Variants in CLINT1 observed in about 807,000 individuals in gnomAD.
CLINT1 encodes clathrin interactor 1.
CLINT1 carries 15 observed loss-of-function variants against 70.4 expected under a neutral mutation model. The ratio of observed to expected loss-of-function variants is 0.21; its 90% CI spans 0.14 to 0.33. The LOEUF (loss-of-function observed/expected upper bound fraction) is 0.33. Ranked by LOEUF, CLINT1 falls within the 10% of genes least tolerant of loss-of-function variation. The pLI, the probability that CLINT1 is intolerant of heterozygous loss-of-function variation, is 1.00. For missense variants in CLINT1, 615 were observed against 778.1 expected, an observed-to-expected ratio of 0.79 and a Z score of 2.49; for synonymous variants, 227 against 254.7, an observed-to-expected ratio of 0.89 and a Z score of 1.04.
At chr5:157,801,227 C>T (rs1762207778) in intron 8 of CLINT1, among the ~76,000 whole-genome samples, 1 of 152,162 alleles carries the variant, frequency 6.6e-6, no homozygotes, top group South Asian at 2.1e-4. Context: ...AGTAGGCTGG[C>T]CAGGCATGGT....
intron 9 of CLINT1, among the ~76,000 whole-genome samples, chr5:157,793,337 A>G (rs1356396814): frequency 2.0e-5 from 3 of 152,174 alleles, no homozygotes; most frequent in Admixed American, 6.5e-5. Context: ...TGCTTGATCT[A>G]TAATGCAGAA....
chr5:157,840,609 AAG>A (rs1347708897), intron 1 of CLINT1, among the ~76,000 whole-genome samples: 1 of 151,288 alleles, frequency 6.6e-6, no homozygotes, highest in Non-Finnish European at 1.5e-5. Flanking sequence ...TAAACAGAAA[AAG>A]ATGGGGGTGG....
chr5:157,813,224 T>A lies in CLINT1; in HGVS notation c.356A>T (p.Glu119Val). 6.2e-7 allele frequency: 1 copy of A among 1,611,936 alleles called. No homozygotes were observed. The change falls in exon 5 of 12, where the codon GAG becomes GTG. Residue 119 changes from glutamate (E) to valine (V), a missense_variant. Glu to Val is a moderately radical substitution (Grantham distance 121). Around this residue, in one of 2 missense-constraint regions of CLINT1, gnomAD observed 241 missense variants for 368.6 expected, o/e 0.65. Coordinates refer to ENST00000411809, the MANE Select transcript of CLINT1 (RefSeq NM_014666.4). ...RSLENYHFVD[E>V]HGKDQGINIR... is the part of the protein sequence containing the mutation. The stretch of plus-strand genomic sequence containing the variant: ...ATTTATACCTTGATCCTTACCATGC[T>A]CATCTATGAGGATGGTAAGAGATAA...
intron 1 of CLINT1, among the ~76,000 whole-genome samples, chr5:157,835,388 G>A (rs1300582387): frequency 5.3e-5 from 8 of 152,224 alleles, no homozygotes; most frequent in Admixed American, 2.0e-4. Flanking sequence ...ACAAAGTGAC[G>A]TACTGACTGG....
At chr5:157,831,356 T>A (rs576676025) in intron 1 of CLINT1, among the ~76,000 whole-genome samples, 2 of 151,924 alleles carry the variant, frequency 1.3e-5, no homozygotes, top group African/African-American at 4.8e-5. Context: ...GCCCAGCTAA[T>A]TTTTTTTGTA....
At chr5:157,840,106 A>G (rs1753112531) in intron 1 of CLINT1, among the ~76,000 whole-genome samples, 1 of 149,836 alleles carries the variant, frequency 6.7e-6, no homozygotes, top group Non-Finnish European at 1.5e-5. Context: ...AAGGCAGGAG[A>G]ATAGCTTGAA....
chr5:157,814,147 C>T, intron 4 of CLINT1, 38 bp downstream of exon 4: 2 of 1,340,922 alleles, frequency 1.5e-6, no homozygotes, highest in Non-Finnish European at 2.1e-6. Context: ...ACTCCAACTA[C>T]TGTTTTAATT....
At position 157,786,030 on chromosome 5, in the gene CLINT1, A is replaced by G. The variant is rs1344261293; in HGVS notation, c.*1616T>C. The G allele has an allele frequency of 6.6e-6, 1 of 152,216 alleles. No homozygotes were observed. Among genetic ancestry groups the G allele is most frequent in the African/African-American group, 2.4e-5 (1 of 41,458 alleles). 9.4% of individuals were successfully genotyped at this position (152,216 alleles called of 1,614,324 possible). A position where few individuals can be genotyped will look rare whatever the true frequency, so the allele number is the denominator to read the frequency against. On this transcript the variant is annotated 3_prime_UTR_variant, in exon 12 of 12. Transcript: ENST00000411809. Reference sequence around the variant, plus strand: ...TTATTCAGCAAATGAATCACTTTTCATTACCACTTAGCTGAAGTACATGAA... The same window carrying G: ...TTATTCAGCAAATGAATCACTTTTCGTTACCACTTAGCTGAAGTACATGAA...
chr5:157,815,666 G>A (rs1228215086), intron 3 of CLINT1, among the ~76,000 whole-genome samples: 1 of 152,194 alleles, frequency 6.6e-6, no homozygotes, highest in Non-Finnish European at 1.5e-5. Flanking sequence ...TCTGCGTAAT[G>A]TGCCATTAGG....
At chr5:157,823,817 T>C in intron 1 of CLINT1, 2 of 348,416 alleles carry the variant, frequency 5.7e-6, no homozygotes, top group Non-Finnish European at 8.1e-6. Flanking sequence ...TGGGGCTGCA[T>C]GGCAGGACAT....
At chr5:157,819,457 G>A (rs769924590) in intron 1 of CLINT1, among the ~76,000 whole-genome samples, 13 of 151,808 alleles carry the variant, frequency 8.6e-5, no homozygotes, top group African/African-American at 3.1e-4. Flanking sequence ...ATACATTTTC[G>A]TTAAAATCCA....
intron 11 of CLINT1, 32 bp downstream of exon 11, chr5:157,789,331 A>G (rs1262173219): frequency 1.1e-5 from 17 of 1,582,306 alleles, no homozygotes; most frequent in East Asian, 2.2e-5. Context: ...CTGCAAGTAC[A>G]CAAAGAAGTG....
chr5:157,835,525 A>G (rs1303191093), intron 1 of CLINT1, among the ~76,000 whole-genome samples: 1 of 152,162 alleles, frequency 6.6e-6, no homozygotes, highest in East Asian at 1.9e-4. Context: ...ACTACACTAT[A>G]TCTTATGCAG....
chr5:157,808,691 T>C (rs796371280), intron 6 of CLINT1, among the ~76,000 whole-genome samples: 1 of 152,122 alleles, frequency 6.6e-6, no homozygotes, highest in Non-Finnish European at 1.5e-5. Context: ...TATTGTTCCA[T>C]GTAAAACTAA....
At chr5:157,849,474 G>T (rs1753498658) in intron 1 of CLINT1, among the ~76,000 whole-genome samples, 1 of 152,178 alleles carries the variant, frequency 6.6e-6, no homozygotes, top group Non-Finnish European at 1.5e-5. Context: ...CTAAAAATTT[G>T]TATGACTTGC....
chr5:157,841,687 C>T (rs1391080821), intron 1 of CLINT1, among the ~76,000 whole-genome samples: 2 of 152,164 alleles, frequency 1.3e-5, no homozygotes, highest in Non-Finnish European at 2.9e-5. Context: ...GTGGCACAAC[C>T]AGGGCTCATT....
chr5:157,794,583 TTGC>T (rs1223663016), intron 9 of CLINT1, among the ~76,000 whole-genome samples: 2 of 152,232 alleles, frequency 1.3e-5, no homozygotes, highest in African/African-American at 4.8e-5. Flanking sequence ...TATAATATTC[TTGC>T]TGCTATTAAA....
chr5:157,792,774 TAC>T (rs973109791), intron 9 of CLINT1, among the ~76,000 whole-genome samples: 9 of 152,312 alleles, frequency 5.9e-5, no homozygotes, highest in African/African-American at 1.9e-4. Context: ...TCTTAATCAC[TAC>T]AGTCTTATCA....
chr5:157,794,141 T>C (rs188858000), intron 9 of CLINT1, among the ~76,000 whole-genome samples: 305 of 152,164 alleles, frequency 2.0e-3, no homozygotes, highest in African/African-American at 7.2e-3. Context: ...ACTGGGACAA[T>C]TGCACCTAAT....
Sources: allele counts gnomAD v4.1 joint callset (sites outside exome capture counted in the v4.1 genomes callset), GRCh38; gene constraint gnomAD v4.1.1; regional missense constraint gnomAD v4.1.1; transcripts MANE v1.5; gene names NCBI Gene and HGNC (gene_info 2026-07-23, HGNC 2026-07-21).